Variants in GALNT5 observed in about 807,000 individuals in gnomAD.
GALNT5 encodes polypeptide N-acetylgalactosaminyltransferase 5.
In GALNT5, 72 loss-of-function variants were observed where a neutral mutation model predicts 85.4. The observed-to-expected ratio is 0.84, with a 90% CI of 0.70 to 1.03. GALNT5 has a LOEUF of 1.03. Ranked by LOEUF, GALNT5 falls within the 50% of genes least tolerant of loss-of-function variation. The pLI is 0.00. For missense variants in GALNT5, 1,137 were observed against 1,135.5 expected, an observed-to-expected ratio of 1.00 and a Z score of -0.02; for synonymous variants, 404 against 397.0, an observed-to-expected ratio of 1.02 and a Z score of -0.21.
intron 5 of GALNT5, among the ~76,000 whole-genome samples, chr2:157,297,167 G>A (rs992322461): frequency 6.6e-6 from 1 of 152,114 alleles, no homozygotes; most frequent in Non-Finnish European, 1.5e-5. Context: ...CTGTTGTAGT[G>A]ACCACTTAAA....
intron 9 of GALNT5, 47 bp from the exon 10 acceptor site, chr2:157,311,161 T>G (rs937082591): frequency 6.7e-7 from 1 of 1,485,012 alleles, no homozygotes; most frequent in Non-Finnish European, 9.3e-7. Flanking sequence ...ATATTGCAGT[T>G]ATCAAATTCA....
Position 157,258,525 on chromosome 2 carries a change from G to A in GALNT5, c.443G>A (p.Gly148Asp). 1 of 1,612,254 alleles carries A rather than the reference G, an allele frequency of 6.2e-7. No individual in the cohort carries two copies. The highest frequency in any genetic ancestry group is 8.5e-7 in the Non-Finnish European group (1 of 1,179,640). Residue 148 changes from glycine (G) to aspartate (D), a missense_variant, in exon 1 of 10, where the codon GGC becomes GAC. Physicochemically the swap from Gly to Asp is moderately conservative, Grantham distance 94. Coordinates refer to ENST00000259056, the MANE Select transcript of GALNT5 (RefSeq NM_014568.3). Reference protein sequence around the residue: ...TPNKQKTDGRGTKPEASSHQG... With the variant: ...TPNKQKTDGRDTKPEASSHQG... The stretch of plus-strand genomic sequence containing the variant: ...AACAAGCAGAAGACAGACGGGAGAG[G>A]CACCAAACCTGAAGCCTCCTCTCAC...
intron 8 of GALNT5, 75 bp from the exon 9 acceptor site, chr2:157,308,492 C>T (rs6728956): frequency 0.89 from 991,233 of 1,118,178 alleles, 443,937 homozygotes; most frequent in Middle Eastern, 0.94. Flanking sequence ...TTAACTGTTG[C>T]TAACAAAAAT....
At chr2:157,266,430 A>G (rs1334204194) in intron 1 of GALNT5, among the ~76,000 whole-genome samples, 1 of 152,146 alleles carries the variant, frequency 6.6e-6, no homozygotes, top group South Asian at 2.1e-4. Context: ...AGTGACCATC[A>G]TCACCTGCAA....
intron 2 of GALNT5, among the ~76,000 whole-genome samples, chr2:157,285,522 T>C (rs544109861): frequency 2.0e-5 from 3 of 152,218 alleles, no homozygotes; most frequent in Non-Finnish European, 4.4e-5. Flanking sequence ...AAACTGTTCC[T>C]TTAGCTGGAT....
chr2:157,316,570 G>C lies in GALNT5; in HGVS notation c.*5222G>C, dbSNP rs1292627193. On this transcript the variant is annotated 3_prime_UTR_variant, in exon 10 of 10. Coordinates refer to ENST00000259056, the MANE Select transcript of GALNT5 (RefSeq NM_014568.3). ...CTACTGTGCTTTTGCAACAACTTTTGCATGGGTTACTCAATAGTTGCTACA... is the reference window on the plus strand; with the variant it reads ...CTACTGTGCTTTTGCAACAACTTTTCCATGGGTTACTCAATAGTTGCTACA... 6.6e-6 allele frequency among the ~76,000 whole-genome samples: 1 copy of C among 151,900 alleles called. No individual in the cohort carries two copies. The highest frequency in any genetic ancestry group is 1.5e-5 in the Non-Finnish European group (1 of 67,964).
intron 3 of GALNT5, among the ~76,000 whole-genome samples, chr2:157,287,006 C>T (rs1682991853): frequency 6.7e-6 from 1 of 149,878 alleles, no homozygotes; most frequent in Non-Finnish European, 1.5e-5. Flanking sequence ...CCTCTTGTTA[C>T]CTGCAGGATA....
chr2:157,299,459 T>G, intron 5 of GALNT5, 89 bp from the exon 6 acceptor site: 1 of 745,254 alleles, frequency 1.3e-6, no homozygotes, highest in Non-Finnish European at 2.3e-6. Flanking sequence ...AAAAGCCTCC[T>G]ACCTCCCGTA....
At chr2:157,300,586 G>A in intron 6 of GALNT5, 90 bp from the exon 7 acceptor site, 1 of 982,554 alleles carries the variant, frequency 1.0e-6, no homozygotes, top group Non-Finnish European at 1.6e-6. Context: ...TTCAGGTAGG[G>A]GGAAACAAGG....
intron 3 of GALNT5, among the ~76,000 whole-genome samples, chr2:157,294,983 T>C (rs553690318): frequency 1.3e-5 from 2 of 151,596 alleles, no homozygotes; most frequent in South Asian, 2.1e-4. Flanking sequence ...TTTCCTCCTC[T>C]AAGTCTTTTT....
At position 157,282,675 on chromosome 2, in the gene GALNT5, A is replaced by C. The variant is rs534903990; in HGVS notation, c.1455-1607A>C. 2.6e-5 allele frequency among the ~76,000 whole-genome samples: 4 copies of C among 152,322 alleles called. No individual in the cohort carries two copies. In the South Asian group the frequency reaches 8.3e-4, roughly 32 times the overall value. Reference sequence around the variant, plus strand: ...TCAAAGAAGTAGTAAAGCTGTTCCAAATCAGTAATTAGAAAAACTGATATT... The same window carrying C: ...TCAAAGAAGTAGTAAAGCTGTTCCACATCAGTAATTAGAAAAACTGATATT... On this transcript the variant is annotated intron_variant, in intron 1 of 9. Transcript: ENST00000259056.
chr2:157,309,005 C>T (rs1159718418), intron 9 of GALNT5, among the ~76,000 whole-genome samples: 1 of 152,038 alleles, frequency 6.6e-6, no homozygotes, highest in East Asian at 1.9e-4. Context: ...AGTCAATCAA[C>T]AACACCGAAA....
chr2:157,283,087 T>A (rs537037948), intron 1 of GALNT5, among the ~76,000 whole-genome samples: 1 of 152,346 alleles, frequency 6.6e-6, no homozygotes, highest in African/African-American at 2.4e-5. Context: ...TAAGGCTTCC[T>A]CAATGGTTAC....
intron 9 of GALNT5, 84 bp downstream of exon 9, chr2:157,308,812 T>C: frequency 9.3e-7 from 1 of 1,079,770 alleles, no homozygotes; most frequent in Non-Finnish European, 1.4e-6. Flanking sequence ...GTCACCTTCC[T>C]CAGTCAGAAG....
At position 157,311,805 on chromosome 2, in the gene GALNT5, T is replaced by C. The variant is rs1683578771; in HGVS notation, c.*457T>C. The C allele has an allele frequency of 6.5e-6, 1 of 153,832 alleles. No homozygotes were observed. Among genetic ancestry groups the C allele is most frequent in the Admixed American group, 6.5e-5 (1 of 15,334 alleles). The allele number at this position is 153,832 out of a possible 1,614,324, so 9.5% of individuals were successfully genotyped here. On this transcript the variant is annotated 3_prime_UTR_variant, in exon 10 of 10. Transcript: ENST00000259056. Reference sequence around the variant, plus strand: ...CAAAAATTTCTTGAGTTCTTATGGCTAGAAGACCTCAGATGCCCACAGCTG... The same window carrying C: ...CAAAAATTTCTTGAGTTCTTATGGCCAGAAGACCTCAGATGCCCACAGCTG...
intron 3 of GALNT5, 85 bp downstream of exon 3, chr2:157,286,219 A>G (rs1682967937): frequency 1.8e-6 from 2 of 1,132,592 alleles, no homozygotes; most frequent in Non-Finnish European, 2.6e-6. Flanking sequence ...GTGAAAGACC[A>G]GCACAATGAT....
chr2:157,310,596 A>G (rs1207030818), intron 9 of GALNT5, among the ~76,000 whole-genome samples: 1 of 152,202 alleles, frequency 6.6e-6, no homozygotes, highest in Non-Finnish European at 1.5e-5. Context: ...TATAGATGAA[A>G]AAATATATAA....
chr2:157,266,571 T>A (rs1682462741), intron 1 of GALNT5, among the ~76,000 whole-genome samples: 1 of 152,176 alleles, frequency 6.6e-6, no homozygotes, highest in South Asian at 2.1e-4. Context: ...GCATGTAGAC[T>A]TATGTGTGTG....
At chr2:157,280,675 G>A (rs1558895155) in intron 1 of GALNT5, among the ~76,000 whole-genome samples, 1 of 152,156 alleles carries the variant, frequency 6.6e-6, no homozygotes, top group Non-Finnish European at 1.5e-5. Flanking sequence ...AAGTGATATG[G>A]TTTGGATGTT....
Sources: allele counts gnomAD v4.1 joint callset (sites outside exome capture counted in the v4.1 genomes callset), GRCh38; gene constraint gnomAD v4.1.1; transcripts MANE v1.5; gene names NCBI Gene and HGNC (gene_info 2026-07-23, HGNC 2026-07-21).